Variants in KRTAP16-1 observed in about 807,000 individuals in gnomAD.
KRTAP16-1 encodes the protein keratin associated protein 16-1.
For missense variants in KRTAP16-1, 675 were observed against 657.7 expected (o/e 1.03, Z -0.29); for synonymous variants, 262 against 248.0 (o/e 1.06, Z -0.53).
Position 41,309,179 on chromosome 17 carries a change from A to G in KRTAP16-1, c.75T>C (p.Cys25=). 1 of 1,550,554 alleles carries G rather than the reference A, an allele frequency of 6.4e-7. No homozygotes were observed. The change falls in exon 1 of 1, where the codon TGT becomes TGC. Residue 25 remains cysteine (C), a synonymous_variant. Transcript: ENST00000391352. ...ATSLCSTEVS[C]GGPICLPSSC... ...AACTGGGCAGGCAGATGGGGCCTCC[A>G]CAGCTCACCTCAGTGGAGCAGAGAG...
chr17:41,309,296 T>G lies in KRTAP16-1; in HGVS notation c.-43A>C. The G allele has an allele frequency of 7.1e-7, 1 of 1,405,576 alleles. No individual in the cohort carries two copies. Among genetic ancestry groups the G allele is most frequent in the Non-Finnish European group, 9.6e-7 (1 of 1,044,814 alleles). The allele number at this position is 1,405,576 out of a possible 1,614,324, so 87.1% of individuals were successfully genotyped here. A position where few individuals can be genotyped will look rare whatever the true frequency, so the allele number is the denominator to read the frequency against. On this transcript the variant is annotated 5_prime_UTR_variant, in exon 1 of 1. Coordinates refer to ENST00000391352, the MANE Select transcript of KRTAP16-1 (RefSeq NM_001146182.2). ...TTCCTTGTGCTGAGTGCTGAGAGGT[T>G]GCTGCCTCACTGTGACAGCTCCCTG...
In KRTAP16-1 at chr17:41,307,794, G is replaced by T. The variant is rs2074286; in HGVS notation, c.1460C>A (p.Ala487Asp). ...TPCKVDVSEE[A>D]PCQPTEAKPI... is the part of the protein sequence containing the mutation. Reference sequence around the variant, plus strand: ...TTTGGCTTCAGTGGGCTGGCAGGGAGCCTCTTCTGAGACATCCACCTTGCA... The same window carrying T: ...TTTGGCTTCAGTGGGCTGGCAGGGATCCTCTTCTGAGACATCCACCTTGCA... The change falls in exon 1 of 1, where the codon GCT becomes GAT. Residue 487 changes from alanine to aspartate, a missense_variant. Physicochemically the swap from Ala to Asp is moderately radical, Grantham distance 126. Transcript: ENST00000391352. 6.5e-7 allele frequency: 1 copy of T among 1,550,320 alleles called. No individual in the cohort carries two copies. The highest frequency in any genetic ancestry group is 1.4e-5 in the African/African-American group (1 of 72,966).
Position 41,309,108 on chromosome 17 carries a change from C to T in KRTAP16-1, c.146G>A (p.Cys49Tyr), listed in dbSNP as rs2016950453. Residue 49 changes from cysteine to tyrosine, a missense_variant, in exon 1 of 1, where the codon TGT becomes TAT. Coordinates refer to ENST00000391352, the MANE Select transcript of KRTAP16-1 (RefSeq NM_001146182.2). ...CTGTGGCCCACAGCTGGATGATCCA[C>T]AGCTGTCTTGACAAGTCACCAGCTG... ...TWQLVTCQDS[C>Y]GSSSCGPQCR... 6.4e-7 allele frequency: 1 copy of T among 1,550,654 alleles called. No homozygotes were observed. Among genetic ancestry groups the T allele is most frequent in the African/African-American group, 1.4e-5 (1 of 73,196 alleles).
Position 41,308,421 on chromosome 17 carries a change from C to G in KRTAP16-1, c.833G>C (p.Cys278Ser). ...CTGAACACAGCAGACAGGGCGGAGG[C>G]AAACTGGCTCACAGACCAGAGCCAC... ...TCVALVCEPVCLRPVCCVQSS... is the reference protein window; with the variant it reads ...TCVALVCEPVSLRPVCCVQSS... The change falls in exon 1 of 1, where the codon TGC (cysteine) becomes TCC (serine). Residue 278 changes from cysteine to serine, a missense_variant. By Grantham distance (112) the Cys-to-Ser change is moderately radical. Transcript: ENST00000391352. The G allele has an allele frequency of 6.4e-7, 1 of 1,550,644 alleles. No individual in the cohort carries two copies. The highest frequency in any genetic ancestry group is 1.4e-5 in the African/African-American group (1 of 73,150).
At position 41,308,812 on chromosome 17, in the gene KRTAP16-1, A is replaced by T; in HGVS notation, c.442T>A (p.Cys148Ser). 6.5e-7 allele frequency: 1 copy of T among 1,546,996 alleles called. No homozygotes were observed. Among genetic ancestry groups the T allele is most frequent in the South Asian group, 1.2e-5 (1 of 83,768 alleles). Reference sequence around the variant, plus strand: ...GGCTCACAGCACACAGGTTGAGCACAGCTGCTCACGGAACAAGAAGGCTCA... The same window carrying T: ...GGCTCACAGCACACAGGTTGAGCACTGCTGCTCACGGAACAAGAAGGCTCA... ...VCEPSCSVSS[C>S]AQPVCCEPAI... Residue 148 changes from cysteine (C) to serine (S), a missense_variant, in exon 1 of 1, where the codon TGT (cysteine) becomes AGT (serine). Cys to Ser is a moderately radical substitution (Grantham distance 112). Transcript: ENST00000391352.
Position 41,308,903 on chromosome 17 carries a change from G to T in KRTAP16-1, c.351C>A (p.Thr117=), listed in dbSNP as rs773278778. 5.8e-6 allele frequency: 9 copies of T among 1,550,300 alleles called. No homozygotes were observed. The African/African-American group carries it at 9.6e-5, about 17-fold the overall frequency. Residue 117 remains threonine (T), a synonymous_variant, in exon 1 of 1, where the codon ACC becomes ACA. Coordinates refer to ENST00000391352, the MANE Select transcript of KRTAP16-1 (RefSeq NM_001146182.2). The part of the protein sequence containing the change: ...NCYQPVCFEA[T]ICEPSCSVSN... ...TCACTGAGCAAGAAGGCTCACAGAT[G>T]GTGGCCTCGAAGCACACAGGTTGGT...
At position 41,309,265 on chromosome 17, in the gene KRTAP16-1, C is replaced by T; in HGVS notation, c.-12G>A. The stretch of plus-strand genomic sequence containing the variant: ...CAACTGCCAGACATGGTGGAGGTGG[C>T]CGTGCTTCCTTGTGCTGAGTGCTGA... On this transcript the variant is annotated 5_prime_UTR_variant, in exon 1 of 1. Coordinates refer to ENST00000391352, the MANE Select transcript of KRTAP16-1 (RefSeq NM_001146182.2). 6.6e-7 allele frequency: 1 copy of T among 1,507,526 alleles called. No homozygotes were observed. The highest frequency in any genetic ancestry group is 8.9e-7 in the Non-Finnish European group (1 of 1,122,102). 93.4% of individuals were successfully genotyped at this position (1,507,526 alleles called of 1,614,324 possible). A position where few individuals can be genotyped will look rare whatever the true frequency, so the allele number is the denominator to read the frequency against.
Position 41,309,049 on chromosome 17 carries a change from C to T in KRTAP16-1, c.205G>A (p.Ala69Thr). ...ACAGGATCACAGCACAGGGGTTGGGCACAGCTACTCACAGGACAGGAGGGC... is the reference window on the plus strand; with the variant it reads ...ACAGGATCACAGCACAGGGGTTGGGTACAGCTACTCACAGGACAGGAGGGC... ...RQPSCPVSSC[A>T]QPLCCDPVIC... Residue 69 changes from alanine (A) to threonine (T), a missense_variant, in exon 1 of 1, where the codon GCC becomes ACC. Ala to Thr is a moderately conservative substitution (Grantham distance 58). Coordinates refer to ENST00000391352, the MANE Select transcript of KRTAP16-1 (RefSeq NM_001146182.2). 1.3e-6 allele frequency: 2 copies of T among 1,550,674 alleles called. No homozygotes were observed. The highest frequency in any genetic ancestry group is 1.4e-5 in the African/African-American group (1 of 73,182).
Position 41,308,855 on chromosome 17 carries a change from GCA to G in KRTAP16-1, c.397_398del (p.Cys133LeufsTer2). 8 of 1,541,892 alleles carry G rather than the reference GCA, an allele frequency of 5.2e-6. No homozygotes were observed. The highest frequency in any genetic ancestry group is 7.0e-6 in the Non-Finnish European group (8 of 1,140,552). On this transcript the variant is annotated frameshift_variant, in exon 1 of 1. Transcript: ENST00000391352. LOFTEE classifies it low-confidence loss of function (END_TRUNC). ...AAGGCTCACAAACGGTGGCCTCAAA[GCA>G]CACAGGTTGGCAGCAGTTGCTCACT... ...CSVSNCCQPV[C>X]FEATVCEPSC... is the part of the protein sequence containing the mutation.
Position 41,308,547 on chromosome 17 carries a change from G to A in KRTAP16-1, c.707C>T (p.Pro236Leu), listed in dbSNP as rs770774771. 2 of 1,550,710 alleles carry A rather than the reference G, an allele frequency of 1.3e-6. No homozygotes were observed. Among genetic ancestry groups the A allele is most frequent in the East Asian group, 2.4e-5 (1 of 40,920 alleles). The change falls in exon 1 of 1, where the codon CCT becomes CTT. Residue 236 changes from proline (P) to leucine (L), a missense_variant. Coordinates refer to ENST00000391352, the MANE Select transcript of KRTAP16-1 (RefSeq NM_001146182.2). ...PSCCQPVCPT[P>L]TCSVTSSCQA... ...GCAGCTACTGGTCACAGAGCAGGTAGGTGTCGGGCACACCGGCTGACAGCA... is the reference window on the plus strand; with the variant it reads ...GCAGCTACTGGTCACAGAGCAGGTAAGTGTCGGGCACACCGGCTGACAGCA...
rs78094332 is a variant in KRTAP16-1, at chr17:41,307,858, A to T, written c.1396T>A (p.Ser466Thr). Residue 466 changes from serine (S) to threonine (T), a missense_variant, in exon 1 of 1, where the codon TCC (serine) becomes ACC (threonine). Ser to Thr is a moderately conservative substitution (Grantham distance 58). Transcript: ENST00000391352. ...SDSCKRDCKK[S>T]TSSQLDCVDT... ...ACACAATCCAGTTGGCTGGAAGTGG[A>T]TTTTTTGCAATCCCGTTTGCAAGAG... 3 of 1,550,632 alleles carry T rather than the reference A, an allele frequency of 1.9e-6. No individual in the cohort carries two copies. Among genetic ancestry groups the T allele is most frequent in the Admixed American group, 2.0e-5 (1 of 50,990 alleles).
Position 41,307,805 on chromosome 17 carries a change from G to A in KRTAP16-1, c.1449C>T (p.Val483=). The change falls in exon 1 of 1, where the codon GTC becomes GTT. Residue 483 remains valine, a synonymous_variant. Transcript: ENST00000391352. The part of the protein sequence containing the change: ...CVDTTPCKVD[V]SEEAPCQPTE... ...TGGGCTGGCAGGGAGCCTCTTCTGA[G>A]ACATCCACCTTGCAGGGGGTTGTGT... 1.3e-6 allele frequency: 2 copies of A among 1,550,732 alleles called. No homozygotes were observed. The highest frequency in any genetic ancestry group is 2.0e-5 in the Admixed American group (1 of 51,014).
In KRTAP16-1 at chr17:41,307,796, C is replaced by T. The variant is rs1470974958; in HGVS notation, c.1458G>A (p.Glu486=). The T allele has an allele frequency of 5.2e-6, 8 of 1,550,566 alleles. No homozygotes were observed. In the East Asian group the frequency reaches 1.7e-4, roughly 33 times the overall value. The change falls in exon 1 of 1, where the codon GAG becomes GAA. Residue 486 remains glutamate, a synonymous_variant. Coordinates refer to ENST00000391352, the MANE Select transcript of KRTAP16-1 (RefSeq NM_001146182.2). ...TGGCTTCAGTGGGCTGGCAGGGAGC[C>T]TCTTCTGAGACATCCACCTTGCAGG... ...TTPCKVDVSE[E]APCQPTEAKP...
Position 41,308,983 on chromosome 17 carries a change from G to T in KRTAP16-1, c.271C>A (p.Pro91Thr). 1 of 1,550,648 alleles carries T rather than the reference G, an allele frequency of 6.4e-7. No homozygotes were observed. The highest frequency in any genetic ancestry group is 2.4e-5 in the East Asian group (1 of 40,924). Residue 91 changes from proline (P) to threonine (T), a missense_variant, in exon 1 of 1, where the codon CCC (proline) becomes ACC (threonine). By Grantham distance (38) the Pro-to-Thr change is conservative (BLOSUM62 -1). Coordinates refer to ENST00000391352, the MANE Select transcript of KRTAP16-1 (RefSeq NM_001146182.2). Reference protein sequence around the residue: ...PSCSVSSGCQPVCCEATTCEP... With the variant: ...PSCSVSSGCQTVCCEATTCEP... ...CAGGTGGTGGCCTCACAGCACACGG[G>T]TTGGCAGCCGCTGCTCACGGAGCAA... is the stretch of plus-strand genomic sequence containing the variant.
Position 41,308,091 on chromosome 17 carries a change from C to T in KRTAP16-1, c.1163G>A (p.Ser388Asn). ...GACCGGGCGGTAGGAAATCGTAGCA[C>T]TGCAAGGCCGTTTGCTGGAACTGGG... ...YIPSSSKRPCSATISYRPVSR... is the reference protein window; with the variant it reads ...YIPSSSKRPCNATISYRPVSR... The change falls in exon 1 of 1, where the codon AGT (serine) becomes AAT (asparagine). Residue 388 changes from serine to asparagine, a missense_variant. By Grantham distance (46) the Ser-to-Asn change is conservative. Transcript: ENST00000391352. 1 of 1,550,592 alleles carries T rather than the reference C, an allele frequency of 6.4e-7. No homozygotes were observed. Among genetic ancestry groups the T allele is most frequent in the Non-Finnish European group, 8.7e-7 (1 of 1,146,986 alleles).
In KRTAP16-1 at chr17:41,309,173, G is replaced by C. The variant is rs200984502; in HGVS notation, c.81C>G (p.Gly27=). The C allele has an allele frequency of 6.4e-7, 1 of 1,550,470 alleles. No homozygotes were observed. The highest frequency in any genetic ancestry group is 1.4e-5 in the African/African-American group (1 of 73,060). Residue 27 remains glycine, a synonymous_variant, in exon 1 of 1, where the codon GGC becomes GGG. Coordinates refer to ENST00000391352, the MANE Select transcript of KRTAP16-1 (RefSeq NM_001146182.2). ...SLCSTEVSCG[G]PICLPSSCQS... ...GGCAGGAACTGGGCAGGCAGATGGG[G>C]CCTCCACAGCTCACCTCAGTGGAGC...
chr17:41,308,583 C>G lies in KRTAP16-1; in HGVS notation c.671G>C (p.Cys224Ser). ...TLPSSCQPVV[C>S]EPSCCQPVCP... is the part of the protein sequence containing the mutation. ...CACCGGCTGACAGCAGGAAGGCTCA[C>G]AGACCACAGGTTGGCAGGAACTAGG... The change falls in exon 1 of 1, where the codon TGT becomes TCT. Residue 224 changes from cysteine (C) to serine (S), a missense_variant. Cys to Ser is a moderately radical substitution (Grantham distance 112). Coordinates refer to ENST00000391352, the MANE Select transcript of KRTAP16-1 (RefSeq NM_001146182.2). 1 of 1,550,978 alleles carries G rather than the reference C, an allele frequency of 6.4e-7. No individual in the cohort carries two copies. The highest frequency in any genetic ancestry group is 8.7e-7 in the Non-Finnish European group (1 of 1,147,098).
chr17:41,309,188 C>A lies in KRTAP16-1; in HGVS notation c.66G>T (p.Glu22Asp). ...GGCAGATGGGGCCTCCACAGCTCACCTCAGTGGAGCAGAGAGAGGTGGCTG... is the reference window on the plus strand; with the variant it reads ...GGCAGATGGGGCCTCCACAGCTCACATCAGTGGAGCAGAGAGAGGTGGCTG... ...SVPATSLCST[E>D]VSCGGPICLP... Residue 22 changes from glutamate to aspartate, a missense_variant, in exon 1 of 1, where the codon GAG becomes GAT. Physicochemically the swap from Glu to Asp is conservative, Grantham distance 45. Transcript: ENST00000391352. 2 of 1,549,956 alleles carry A rather than the reference C, an allele frequency of 1.3e-6. No individual in the cohort carries two copies. Among genetic ancestry groups the A allele is most frequent in the Non-Finnish European group, 8.7e-7 (1 of 1,146,596 alleles).
chr17:41,307,999 T>A lies in KRTAP16-1; in HGVS notation c.1255A>T (p.Ile419Phe). The A allele has an allele frequency of 6.5e-7, 1 of 1,550,344 alleles. No individual in the cohort carries two copies. The highest frequency in any genetic ancestry group is 8.7e-7 in the Non-Finnish European group (1 of 1,146,932). The change falls in exon 1 of 1, where the codon ATC becomes TTC. Residue 419 changes from isoleucine to phenylalanine, a missense_variant. Coordinates refer to ENST00000391352, the MANE Select transcript of KRTAP16-1 (RefSeq NM_001146182.2). ...CGATAGCAGGCAGGACGGTAGGAGA[T>A]GGATGTCATGTATGGCTGCCTATAG... is the stretch of plus-strand genomic sequence containing the variant. The part of the protein sequence containing the change: ...LTYRQPYMTS[I>F]SYRPACYRPC...
Sources: gnomAD v4.1 joint callset for allele counts on GRCh38, gnomAD v4.1.1 for gene constraint, MANE v1.5 for transcripts, NCBI Gene and HGNC (gene_info 2026-07-23, HGNC 2026-07-21) for gene names.